The following DEPTOR variants were observed in gnomAD, a reference collection of about 807,000 sequenced individuals.
DEPTOR encodes the protein DEP domain-containing mTOR-interacting protein.
A neutral mutation model predicts 41.6 loss-of-function variants in DEPTOR; 41 were observed. The observed-to-expected ratio is 0.98, with a 90% CI of 0.77 to 1.28. The LOEUF (loss-of-function observed/expected upper bound fraction) is 1.28, where lower values mean the gene tolerates loss of function less well. Ranked by LOEUF, DEPTOR falls within the 50% of genes most tolerant of loss-of-function variation. DEPTOR has a pLI of 0.00. For synonymous variants in DEPTOR, 195 were observed against 192.3 expected, an observed-to-expected ratio of 1.01 and a Z score of -0.12; for missense variants, 514 against 527.9, an observed-to-expected ratio of 0.97 and a Z score of 0.26.
chr8:120,013,437 G>T (rs1812562308), intron 8 of DEPTOR, among the ~76,000 whole-genome samples: 1 of 152,252 alleles, frequency 6.6e-6, no homozygotes, highest in Non-Finnish European at 1.5e-5. Flanking sequence ...TTACAAAGAA[G>T]CCATTTGTAT....
At position 120,003,038 on chromosome 8, in the gene DEPTOR, TGGC is replaced by T. The variant is rs1563588713; in HGVS notation, c.853_855del (p.Gly285del). On this transcript the variant is annotated inframe_deletion, in exon 6 of 9. Coordinates refer to ENST00000286234, the MANE Select transcript of DEPTOR (RefSeq NM_022783.4). ...TGAGGAGAAGCAGCATGAGCAGCTG[TGGC>T]AGCAGCGGCTACTTCAGCAGCAGCC... 1 of 1,609,938 alleles carries T rather than the reference TGGC, an allele frequency of 6.2e-7. No individual in the cohort carries two copies. The highest frequency in any genetic ancestry group is 8.5e-7 in the Non-Finnish European group (1 of 1,178,804).
At chr8:119,928,295 C>G (rs1407429149) in intron 1 of DEPTOR, 105 bp from the exon 2 acceptor site, 2 of 1,214,686 alleles carry the variant, frequency 1.6e-6, no homozygotes, top group Non-Finnish European at 1.1e-6. Context: ...TTCAATGACA[C>G]CTTCATGCCT....
At chr8:119,893,224 T>C (rs1211880552) in intron 1 of DEPTOR, among the ~76,000 whole-genome samples, 1 of 152,240 alleles carries the variant, frequency 6.6e-6, no homozygotes, top group Non-Finnish European at 1.5e-5. Flanking sequence ...TATTTGATTA[T>C]TTATATGCTT....
At chr8:119,962,278 A>G (rs1828503859) in intron 3 of DEPTOR, among the ~76,000 whole-genome samples, 1 of 151,966 alleles carries the variant, frequency 6.6e-6, no homozygotes, top group South Asian at 2.1e-4. Context: ...AACAAAAACA[A>G]AAAACCCCAA....
At chr8:120,010,552 G>A (rs1369106544) in intron 8 of DEPTOR, among the ~76,000 whole-genome samples, 2 of 151,722 alleles carry the variant, frequency 1.3e-5, no homozygotes, top group Non-Finnish European at 1.5e-5. Context: ...GGAGGCAGAG[G>A]TTGCAGTGGG....
intron 1 of DEPTOR, among the ~76,000 whole-genome samples, chr8:119,885,421 A>G (rs565345577): frequency 6.6e-6 from 1 of 152,312 alleles, no homozygotes; most frequent in Admixed American, 6.5e-5. Flanking sequence ...GTTTTGAGGG[A>G]ATTACCTAAT....
At chr8:119,963,653 A>G (rs1014899417) in intron 3 of DEPTOR, among the ~76,000 whole-genome samples, 2 of 152,110 alleles carry the variant, frequency 1.3e-5, no homozygotes, top group African/African-American at 4.8e-5. Context: ...TCCTGGACCC[A>G]TATACTGGTA....
intron 4 of DEPTOR, among the ~76,000 whole-genome samples, chr8:119,994,103 C>G (rs534513567): frequency 2.0e-4 from 30 of 151,352 alleles, no homozygotes; most frequent in Admixed American, 1.5e-3. Flanking sequence ...CACCATTGCA[C>G]TCCAGCCTGG....
intron 8 of DEPTOR, among the ~76,000 whole-genome samples, chr8:120,019,521 A>C (rs954922724): frequency 6.6e-6 from 1 of 152,152 alleles, no homozygotes; most frequent in African/African-American, 2.4e-5. Flanking sequence ...TTAGAGTCAG[A>C]CAGAATCTTG....
chr8:120,006,657 C>A, intron 6 of DEPTOR, 148 bp from the exon 7 acceptor site: 1 of 599,568 alleles, frequency 1.7e-6, no homozygotes, highest in South Asian at 2.4e-5. Context: ...TTACTGTCTC[C>A]ATTCAGCTAA....
At chr8:120,030,677 G>A (rs987430034) in intron 8 of DEPTOR, among the ~76,000 whole-genome samples, 1 of 151,514 alleles carries the variant, frequency 6.6e-6, no homozygotes, top group African/African-American at 2.4e-5. Flanking sequence ...GCTAATTTTT[G>A]TATTTTTAGT....
intron 3 of DEPTOR, among the ~76,000 whole-genome samples, chr8:119,959,101 C>T (rs1586632920): frequency 6.6e-6 from 1 of 151,252 alleles, no homozygotes; most frequent in Non-Finnish European, 1.5e-5. Context: ...TCTGCTGTTA[C>T]TAACTTTGGG....
At chr8:120,026,948 G>A (rs1195552897) in intron 8 of DEPTOR, among the ~76,000 whole-genome samples, 1 of 152,094 alleles carries the variant, frequency 6.6e-6, no homozygotes, top group Admixed American at 6.6e-5. Flanking sequence ...ACCGGGTGTG[G>A]TGGCTCACGC....
At chr8:119,922,263 A>G (rs994442853) in intron 1 of DEPTOR, among the ~76,000 whole-genome samples, 10 of 151,766 alleles carry the variant, frequency 6.6e-5, no homozygotes, top group African/African-American at 2.4e-4. Context: ...GATAAATACT[A>G]TCTAATAATT....
At chr8:120,006,395 G>T (rs1812438024) in intron 6 of DEPTOR, among the ~76,000 whole-genome samples, 1 of 151,890 alleles carries the variant, frequency 6.6e-6, no homozygotes, top group Non-Finnish European at 1.5e-5. Flanking sequence ...ATGGTGTTGG[G>T]TGCCTGTAAT....
intron 8 of DEPTOR, among the ~76,000 whole-genome samples, chr8:120,039,875 C>T (rs1238678025): frequency 6.6e-6 from 1 of 152,100 alleles, no homozygotes; most frequent in African/African-American, 2.4e-5. Flanking sequence ...GACAGAGTCT[C>T]GCTCTGTTGC....
chr8:120,026,636 C>T (rs1486307000), intron 8 of DEPTOR, among the ~76,000 whole-genome samples: 1 of 152,076 alleles, frequency 6.6e-6, no homozygotes, highest in Admixed American at 6.6e-5. Flanking sequence ...AGTCACTGCA[C>T]CCCGCCAAGC....
intron 1 of DEPTOR, among the ~76,000 whole-genome samples, chr8:119,914,147 G>A (rs193224033): frequency 1.3e-3 from 200 of 151,372 alleles, no homozygotes; most frequent in African/African-American, 4.6e-3. Flanking sequence ...CTGGGTTCAA[G>A]CGATTCTCCT....
chr8:119,908,528 T>G (rs1176076629), intron 1 of DEPTOR, among the ~76,000 whole-genome samples: 1 of 152,160 alleles, frequency 6.6e-6, no homozygotes, highest in East Asian at 1.9e-4. Context: ...GTGGAGGAGA[T>G]GATGGGAATC....
Sources: gnomAD v4.1 joint callset for allele counts (sites outside exome capture counted in the v4.1 genomes callset) on GRCh38, gnomAD v4.1.1 for gene constraint, MANE v1.5 for transcripts, NCBI Gene and HGNC (gene_info 2026-07-23, HGNC 2026-07-21) for gene names.